Variants in ERBB4 observed in about 807,000 individuals in gnomAD.
ERBB4 encodes receptor tyrosine-protein kinase erbB-4.
In ERBB4, 42 loss-of-function variants were observed where a neutral mutation model predicts 158.0. The ratio of observed to expected loss-of-function variants is 0.27; its 90% CI spans 0.21 to 0.34. The LOEUF (loss-of-function observed/expected upper bound fraction) is 0.34, where lower values mean the gene tolerates loss of function less well. Ranked by LOEUF, ERBB4 falls within the 10% of genes least tolerant of loss-of-function variation. ERBB4 has a pLI of 1.00. For synonymous variants in ERBB4, 583 were observed against 558.7 expected (o/e 1.04, Z -0.61); for missense variants, 1,333 against 1,624.1 (o/e 0.82, Z 3.08).
At chr2:211,650,587 AT>A (rs2070945065) in intron 16 of ERBB4, among the ~76,000 whole-genome samples, 1 of 152,130 alleles carries the variant, frequency 6.6e-6, no homozygotes, top group Non-Finnish European at 1.5e-5. Context: ...TTCTGTGAAT[AT>A]GCAATATCAT....
intron 20 of ERBB4, among the ~76,000 whole-genome samples, chr2:211,499,843 G>GA (rs1381752867): frequency 3.9e-5 from 6 of 152,100 alleles, no homozygotes; most frequent in Non-Finnish European, 7.4e-5. Context: ...TTGGTTTTGA[G>GA]AAAAGTTTTT....
intron 2 of ERBB4, among the ~76,000 whole-genome samples, chr2:211,997,854 A>T (rs2125271583): frequency 6.6e-6 from 1 of 151,760 alleles, no homozygotes; most frequent in East Asian, 1.9e-4. Flanking sequence ...TCTAAATGTA[A>T]TGAATTATTT....
intron 1 of ERBB4, among the ~76,000 whole-genome samples, chr2:212,169,313 A>G (rs1018947191): frequency 3.9e-5 from 6 of 152,184 alleles, no homozygotes; most frequent in African/African-American, 1.4e-4. Context: ...TAGGAAATCC[A>G]TATAGTATAA....
chr2:211,897,123 A>G (rs527946214), intron 3 of ERBB4, among the ~76,000 whole-genome samples: 1 of 151,022 alleles, frequency 6.6e-6, no homozygotes. Flanking sequence ...TATATTATGA[A>G]AAATATAAGA....
chr2:211,436,374 T>C (rs1036021777), intron 20 of ERBB4, among the ~76,000 whole-genome samples: 1 of 145,442 alleles, frequency 6.9e-6, no homozygotes, highest in African/African-American at 2.6e-5. Context: ...CTGTGGTCAA[T>C]TGCCTGTTTC....
chr2:212,165,350 T>C (rs929426578), intron 1 of ERBB4, among the ~76,000 whole-genome samples: 1 of 151,802 alleles, frequency 6.6e-6, no homozygotes, highest in Non-Finnish European at 1.5e-5. Flanking sequence ...GGCACCCCCG[T>C]AAATTCTACA....
At chr2:211,874,120 A>G (rs1196436369) in intron 3 of ERBB4, among the ~76,000 whole-genome samples, 1 of 152,142 alleles carries the variant, frequency 6.6e-6, no homozygotes, top group Non-Finnish European at 1.5e-5. Flanking sequence ...AGCCATGATC[A>G]CATCACTGCA....
chr2:211,920,496 T>C (rs1422309450), intron 3 of ERBB4, among the ~76,000 whole-genome samples: 5 of 151,986 alleles, frequency 3.3e-5, no homozygotes. Context: ...TACAGCCAAT[T>C]ATTTTTGTAA....
intron 4 of ERBB4, among the ~76,000 whole-genome samples, chr2:211,762,042 T>C (rs901088878): frequency 1.3e-5 from 2 of 152,242 alleles, no homozygotes; most frequent in East Asian, 1.9e-4. Flanking sequence ...CTAAGTTGAA[T>C]ATCACATGCA....
At chr2:211,561,626 C>A in intron 20 of ERBB4, 1 of 444,600 alleles carries the variant, frequency 2.2e-6, no homozygotes, top group Non-Finnish European at 4.1e-6. Context: ...CCAAACAAAT[C>A]CAGTATAACA....
intron 4 of ERBB4, among the ~76,000 whole-genome samples, chr2:211,767,748 C>A (rs1180002047): frequency 6.6e-6 from 1 of 152,130 alleles, no homozygotes; most frequent in African/African-American, 2.4e-5. Context: ...CCCTAAATTA[C>A]TAAATTACCT....
chr2:211,839,636 T>C (rs1430619176), intron 3 of ERBB4, among the ~76,000 whole-genome samples: 2 of 152,128 alleles, frequency 1.3e-5, no homozygotes, highest in Admixed American at 1.3e-4. Flanking sequence ...ATCATTGACA[T>C]AAATATTCTA....
At chr2:211,714,748 G>A (rs1319369970) in intron 7 of ERBB4, among the ~76,000 whole-genome samples, 1 of 152,148 alleles carries the variant, frequency 6.6e-6, no homozygotes, top group African/African-American at 2.4e-5. Flanking sequence ...ATCATGAACA[G>A]GGTTTTGCTA....
At chr2:212,057,950 T>C (rs928871747) in intron 2 of ERBB4, among the ~76,000 whole-genome samples, 5 of 151,706 alleles carry the variant, frequency 3.3e-5, no homozygotes, top group Admixed American at 6.6e-5. Flanking sequence ...CTGAAGGAGA[T>C]AGAGACACAA....
intron 1 of ERBB4, among the ~76,000 whole-genome samples, chr2:212,222,061 T>G (rs928546168): frequency 6.6e-6 from 1 of 151,596 alleles, no homozygotes; most frequent in African/African-American, 2.4e-5. Context: ...TAATAGTAGC[T>G]TTTTAGTTTA....
chr2:212,318,169 C>A (rs1356683687), intron 1 of ERBB4, among the ~76,000 whole-genome samples: 2 of 151,354 alleles, frequency 1.3e-5, no homozygotes, highest in African/African-American at 4.8e-5. Flanking sequence ...GTCACACAGC[C>A]GGTAAGAGGG....
At chr2:212,191,343 A>T (rs181306531) in intron 1 of ERBB4, among the ~76,000 whole-genome samples, 1 of 152,108 alleles carries the variant, frequency 6.6e-6, no homozygotes, top group African/African-American at 2.4e-5. Context: ...CATTTTTTTT[A>T]ATGTTACTGC....
chr2:212,186,594 C>T (rs140507079), intron 1 of ERBB4, among the ~76,000 whole-genome samples: 1 of 152,112 alleles, frequency 6.6e-6, no homozygotes. Flanking sequence ...GAGCAAAAGA[C>T]TGTCAAACTA....
At chr2:211,510,656 T>C (rs988808743) in intron 20 of ERBB4, among the ~76,000 whole-genome samples, 24 of 152,096 alleles carry the variant, frequency 1.6e-4, no homozygotes, top group Non-Finnish European at 2.8e-4. Context: ...TTTTCAATTA[T>C]ATATCTCTCT....
Sources: allele counts gnomAD v4.1 joint callset (sites outside exome capture counted in the v4.1 genomes callset), GRCh38; gene constraint gnomAD v4.1.1; transcripts MANE v1.5; gene names NCBI Gene and HGNC (gene_info 2026-07-23, HGNC 2026-07-21).